The following NME9 variants were observed in gnomAD, a reference collection of about 807,000 sequenced individuals.
The protein encoded by NME9 is thioredoxin domain-containing protein 6.
In NME9, 48 loss-of-function variants were observed where a neutral mutation model predicts 44.4. The ratio of observed to expected loss-of-function variants is 1.08; its 90% CI spans 0.86 to 1.37. The LOEUF (loss-of-function observed/expected upper bound fraction) is 1.37, where lower values mean the gene tolerates loss of function less well. Ranked by LOEUF, NME9 falls within the 40% of genes most tolerant of loss-of-function variation. NME9 has a pLI of 0.00. For synonymous variants in NME9, 139 were observed against 147.1 expected (o/e 0.94, Z 0.40); for missense variants, 325 against 405.2 (o/e 0.80, Z 1.70).
intron 8 of NME9, chr3:138,289,020 A>ATT: frequency 6.4e-7 from 1 of 1,568,878 alleles, no homozygotes; most frequent in Non-Finnish European, 8.7e-7. Context: ...CACCATTTTG[A>ATT]TTTTTTTTTC....
chr3:138,281,827 G>T (rs1340114421), intron 8 of NME9, among the ~76,000 whole-genome samples: 1 of 152,170 alleles, frequency 6.6e-6, no homozygotes, highest in Non-Finnish European at 1.5e-5. Flanking sequence ...GTAAGAGGGG[G>T]TAGCTGTTTT....
intron 6 of NME9, among the ~76,000 whole-genome samples, chr3:138,308,947 A>AG (rs1271034832): frequency 4.6e-4 from 53 of 114,808 alleles, no homozygotes; most frequent in South Asian, 1.0e-3. Context: ...TACTGAAAGA[A>AG]AAAAAAAAAA....
intron 8 of NME9, among the ~76,000 whole-genome samples, chr3:138,293,488 G>A (rs114705527): frequency 3.3e-5 from 5 of 151,870 alleles, no homozygotes; most frequent in South Asian, 4.2e-4. Context: ...GTGGTGAGCC[G>A]AGATTGCACC....
intron 4 of NME9, among the ~76,000 whole-genome samples, chr3:138,317,026 T>C (rs2053135228): frequency 6.6e-6 from 1 of 152,126 alleles, no homozygotes; most frequent in African/African-American, 2.4e-5. Flanking sequence ...CACCATAGGG[T>C]TGAAGATTGT....
At chr3:138,315,377 A>C in intron 5 of NME9, 150 bp downstream of exon 5, 1 of 610,008 alleles carries the variant, frequency 1.6e-6, no homozygotes. Flanking sequence ...TCACCAGGGC[A>C]CAGTGCATGA....
chr3:138,322,607 T>C (rs963943497), intron 2 of NME9, among the ~76,000 whole-genome samples: 1 of 152,038 alleles, frequency 6.6e-6, no homozygotes, highest in African/African-American at 2.4e-5. Context: ...ATTTCCAAGA[T>C]ACTGGTGGTT....
intron 3 of NME9, among the ~76,000 whole-genome samples, chr3:138,318,781 C>T (rs1429702826): frequency 1.3e-5 from 2 of 152,218 alleles, no homozygotes; most frequent in African/African-American, 4.8e-5. Context: ...GGAATTTATT[C>T]CCATTTCCAT....
In NME9 at chr3:138,263,919, C is replaced by T. The variant is rs768532899; in HGVS notation, c.746-1333G>A. On this transcript the variant is annotated intron_variant, in intron 8 of 8. Coordinates refer to the NME9 transcript ENST00000317876. ...TGAGTAAACACAGACTACAAATGTT[C>T]CTCAAAAATCTGCTCAGGTGAATTC... 37 of 1,171,510 alleles carry T rather than the reference C, an allele frequency of 3.2e-5. No homozygotes were observed. In the Admixed American group the frequency reaches 3.8e-4, roughly 12 times the overall value. 72.6% of individuals were successfully genotyped at this position (1,171,510 alleles called of 1,614,324 possible).
chr3:138,326,583 G>T (rs949067302), intron 1 of NME9, among the ~76,000 whole-genome samples: 1 of 151,740 alleles, frequency 6.6e-6, no homozygotes, highest in Non-Finnish European at 1.5e-5. Context: ...ACAAGTGCCC[G>T]CTACCACACC....
intron 8 of NME9, among the ~76,000 whole-genome samples, chr3:138,289,482 A>G (rs2050741917): frequency 6.6e-6 from 1 of 152,244 alleles, no homozygotes; most frequent in Admixed American, 6.5e-5. Flanking sequence ...GAGGAAGCAC[A>G]TATGAGGACT....
intron 8 of NME9, chr3:138,295,716 G>C (rs2051422999): frequency 1.4e-6 from 1 of 733,520 alleles, no homozygotes; most frequent in East Asian, 2.8e-5. Flanking sequence ...TTCCCCTTAA[G>C]GTAGGTGCCC....
At chr3:138,300,026 G>T (rs113812702), downstream of NME9, among the ~76,000 whole-genome samples, 1 of 152,124 alleles carries the variant, frequency 6.6e-6, no homozygotes, top group Non-Finnish European at 1.5e-5. Context: ...GACCATATGG[G>T]CCCCACTCTT....
intron 2 of NME9, among the ~76,000 whole-genome samples, chr3:138,322,516 G>GTC (rs1458593460): frequency 6.9e-6 from 1 of 145,632 alleles, no homozygotes; most frequent in African/African-American, 2.8e-5. Context: ...GTGTGTGTGT[G>GTC]TGTGTCTGTG....
At position 138,270,210 on chromosome 3, in the gene NME9, T is replaced by C. The variant is rs1187004641; in HGVS notation, c.746-7624A>G. The C allele has an allele frequency of 4.4e-6, 5 of 1,133,378 alleles. No homozygotes were observed. In the East Asian group the frequency reaches 1.2e-4, roughly 28 times the overall value. The allele number at this position is 1,133,378 out of a possible 1,614,324, so 70.2% of individuals were successfully genotyped here. A position where few individuals can be genotyped will look rare whatever the true frequency, so the allele number is the denominator to read the frequency against. Reference sequence around the variant, plus strand: ...TCTAAGTTAGAACTATAATGTGTTATTTGAAATGTCTGGAATTTTCTTTTT... The same window carrying C: ...TCTAAGTTAGAACTATAATGTGTTACTTGAAATGTCTGGAATTTTCTTTTT... On this transcript the variant is annotated intron_variant, in intron 8 of 8. Coordinates refer to the NME9 transcript ENST00000317876.
chr3:138,324,540 T>G (rs1164092070), intron 2 of NME9: 4 of 476,338 alleles, frequency 8.4e-6, no homozygotes, highest in Admixed American at 7.0e-5. Flanking sequence ...TCTCCTTCCA[T>G]CCTTTGAGTT....
chr3:138,289,177 G>A, intron 8 of NME9: 1 of 1,403,516 alleles, frequency 7.1e-7, no homozygotes, highest in East Asian at 2.3e-5. Flanking sequence ...GTCTTGCACA[G>A]GGAAGCTAGC....
At chr3:138,262,464 CTT>C in exon 9 of NME9, 1 of 1,520,232 alleles carries the variant, frequency 6.6e-7, no homozygotes, top group South Asian at 1.2e-5. Context: ...ATTTTCTTCT[CTT>C]CTTGTTTGGC....
chr3:138,313,845 T>C (rs1012429502), intron 6 of NME9, among the ~76,000 whole-genome samples: 2 of 152,154 alleles, frequency 1.3e-5, no homozygotes, highest in Admixed American at 1.3e-4. Flanking sequence ...TACTCATATG[T>C]GGGAACTTAA....
At chr3:138,296,600 T>A (rs1249903651), downstream of NME9, 1 of 152,172 alleles carries the variant, frequency 6.6e-6, no homozygotes, top group African/African-American at 2.4e-5. Context: ...ACAGGCACTA[T>A]ACATGGTGCT....
Sources: allele counts gnomAD v4.1 joint callset (sites outside exome capture counted in the v4.1 genomes callset), GRCh38; gene constraint gnomAD v4.1.1; transcripts MANE v1.5; gene names NCBI Gene and HGNC (gene_info 2026-07-23, HGNC 2026-07-21).